NCF2: variants seen among roughly 807,000 people sequenced by gnomAD.
NCF2 encodes neutrophil cytosolic factor 2, also known as neutrophil cytosol factor 2.
In NCF2, 45 loss-of-function variants were observed where a neutral mutation model predicts 70.9. The ratio of observed to expected loss-of-function variants is 0.63; its 90% CI spans 0.50 to 0.81. NCF2 has a LOEUF of 0.81. Among genes scored for constraint, NCF2 ranks in the 40% least tolerant of loss-of-function variants. The pLI, the probability that NCF2 is intolerant of heterozygous loss-of-function variation, is 0.00. For missense variants in NCF2, 522 were observed against 631.6 expected (o/e 0.83, Z 1.86); for synonymous variants, 203 against 233.6 (o/e 0.87, Z 1.19).
At chr1:183,565,130 T>C (rs1307106736) in intron 10 of NCF2, among the ~76,000 whole-genome samples, 1 of 152,178 alleles carries the variant, frequency 6.6e-6, no homozygotes, top group East Asian at 1.9e-4. Context: ...CAATCATTGA[T>C]CTAGAATCTG....
At chr1:183,598,372 T>G in the NCF2 span, 1 of 152,140 alleles carries the variant, frequency 6.6e-6, no homozygotes, top group Non-Finnish European at 1.5e-5. Context: ...CAGGAGATTC[T>G]CAGAAACAAA....
intron 6 of NCF2, 184 bp from the exon 7 acceptor site, chr1:183,569,369 A>G: frequency 6.1e-6 from 4 of 657,200 alleles, no homozygotes; most frequent in Non-Finnish European, 1.1e-5. Context: ...ACTGGGAAAT[A>G]ACACCTCCCA....
chr1:183,597,793 A>T, the NCF2 span: 1 of 152,252 alleles, frequency 6.6e-6, no homozygotes, highest in Non-Finnish European at 1.5e-5. Context: ...GTGTCTGGAC[A>T]TACAATAACT....
intron 4 of NCF2, 43 bp from the exon 5 acceptor site, chr1:183,573,335 G>GGTC: frequency 3.2e-6 from 5 of 1,559,616 alleles, no homozygotes; most frequent in Non-Finnish European, 4.4e-6. Flanking sequence ...TGAAAATGGG[G>GGTC]GTGACGATGC....
At chr1:183,599,468 T>C in the NCF2 span, among the ~76,000 whole-genome samples, 1 of 142,600 alleles carries the variant, frequency 7.0e-6, no homozygotes, top group African/African-American at 2.7e-5. Context: ...CTTTCTTTCT[T>C]TCTTTCTTTC....
intron 10 of NCF2, among the ~76,000 whole-genome samples, chr1:183,564,269 AC>A (rs1380015192): frequency 6.6e-6 from 1 of 152,002 alleles, no homozygotes; most frequent in Non-Finnish European, 1.5e-5. Flanking sequence ...ATAGGTAATT[AC>A]CAAAGGACCA....
At position 183,573,612 on chromosome 1, in the gene NCF2, G is replaced by T. The variant is rs3818364; in HGVS notation, c.502-320C>A. Among the ~76,000 whole-genome samples the T allele has an allele frequency of 0.46, 69,193 of 151,938 alleles. 16,146 individuals carry two copies. The highest frequency in any genetic ancestry group is 0.62 in the East Asian group (3,196 of 5,156). On this transcript the variant is annotated intron_variant, in intron 4 of 14. Coordinates refer to ENST00000367535, the MANE Select transcript of NCF2 (RefSeq NM_000433.4). ...GTGTAGAGGGCACCACCACGACAAGGCTGGCCCGGGATCAAGCAAGGCTCA... is the reference window on the plus strand; with the variant it reads ...GTGTAGAGGGCACCACCACGACAAGTCTGGCCCGGGATCAAGCAAGGCTCA...
At chr1:183,586,060 C>T (rs548372314) in intron 2 of NCF2, among the ~76,000 whole-genome samples, 2 of 152,120 alleles carry the variant, frequency 1.3e-5, no homozygotes, top group African/African-American at 4.8e-5. Context: ...TCTGGCTGGG[C>T]GTGGTGGCAC....
rs529805060 is a variant in NCF2 at position 183,565,114 on chromosome 1, G to A, written c.1000+590C>T. Among the ~76,000 whole-genome samples, 8 of 152,292 alleles carry A rather than the reference G, an allele frequency of 5.3e-5. No individual in the cohort carries two copies. The South Asian group carries it at 1.0e-3, about 20-fold the overall frequency. On this transcript the variant is annotated intron_variant, in intron 10 of 14. Coordinates refer to ENST00000367535, the MANE Select transcript of NCF2 (RefSeq NM_000433.4). ...CCGAGTGATTCTGATGATCAGGCGC[G>A]TGTGGCAATCATTGATCTAGAATCT...
chr1:183,581,015 G>T (rs955415878), intron 2 of NCF2, among the ~76,000 whole-genome samples: 43 of 151,206 alleles, frequency 2.8e-4, no homozygotes, highest in African/African-American at 9.5e-4. Context: ...TTTGGGCCTG[G>T]TAGGAGAGAG....
intron 1 of NCF2, among the ~76,000 whole-genome samples, 200 bp downstream of exon 1, chr1:183,589,956 G>C (rs1323009988): frequency 6.6e-6 from 1 of 152,132 alleles, no homozygotes; most frequent in East Asian, 1.9e-4. Flanking sequence ...CCCCTCACCT[G>C]CTCTCCACCT....
intron 13 of NCF2, 46 bp downstream of exon 13, chr1:183,563,149 G>A: frequency 6.5e-7 from 1 of 1,539,814 alleles, no homozygotes; most frequent in Non-Finnish European, 9.0e-7. Flanking sequence ...TGTTGAGGAA[G>A]TGGCTCAGTG....
chr1:183,595,510 C>G (rs4652814), upstream of NCF2, among the ~76,000 whole-genome samples: 1,460 of 152,294 alleles, frequency 9.6e-3, 15 homozygotes, highest in Non-Finnish European at 0.012. Context: ...TAGTTGGGCC[C>G]TGTGCTCAGG....
chr1:183,559,328 C>G (rs1044346623), intron 14 of NCF2, among the ~76,000 whole-genome samples: 1 of 152,210 alleles, frequency 6.6e-6, no homozygotes, highest in African/African-American at 2.4e-5. Context: ...AATTTTTAGT[C>G]TGTTCATTAC....
upstream of NCF2, among the ~76,000 whole-genome samples, chr1:183,591,811 A>T (rs1380322280): frequency 2.0e-5 from 3 of 152,150 alleles, no homozygotes; most frequent in Non-Finnish European, 1.5e-5. Context: ...ATGAACATTC[A>T]TGAAGTTCAG....
upstream of NCF2, among the ~76,000 whole-genome samples, chr1:183,592,805 C>G (rs1483571128): frequency 1.3e-5 from 2 of 152,170 alleles, no homozygotes; most frequent in Non-Finnish European, 2.9e-5. Context: ...CAAGACTTTT[C>G]TAGCCTTATC....
chr1:183,584,055 A>G (rs1673230407), intron 2 of NCF2, among the ~76,000 whole-genome samples: 1 of 152,122 alleles, frequency 6.6e-6, no homozygotes, highest in Admixed American at 6.6e-5. Flanking sequence ...TTAAGAGGTC[A>G]ACCTGATGAG....
chr1:183,586,897 C>A lies in NCF2; in HGVS notation c.255G>T (p.Glu85Asp), dbSNP rs1457361434. The A allele has an allele frequency of 9.9e-6, 16 of 1,613,656 alleles. No homozygotes were observed. Among genetic ancestry groups the A allele is most frequent in the African/African-American group, 1.3e-5 (1 of 74,924 alleles). ...FQRGMLYYQTEKYDLAIKDLK... is the reference protein window; with the variant it reads ...FQRGMLYYQTDKYDLAIKDLK... ...TGGTGCAACATTGAACCACTTACTT[C>A]TCTGTCTGGTAGTAGAGCATCCCTC... Residue 85 changes from glutamate (E) to aspartate (D), a missense_variant and splice_region_variant, in exon 2 of 15, where the codon GAG becomes GAT. Physicochemically the swap from Glu to Asp is conservative, Grantham distance 45. Coordinates refer to ENST00000367535, the MANE Select transcript of NCF2 (RefSeq NM_000433.4).
chr1:183,600,869 A>C, the NCF2 span, among the ~76,000 whole-genome samples: 2 of 152,174 alleles, frequency 1.3e-5, no homozygotes, highest in African/African-American at 4.8e-5. Context: ...TTGACAGCAC[A>C]CACCAGGGCC....
Sources: allele counts gnomAD v4.1 joint callset (sites outside exome capture counted in the v4.1 genomes callset), GRCh38; gene constraint gnomAD v4.1.1; transcripts MANE v1.5; gene names NCBI Gene and HGNC (gene_info 2026-07-23, HGNC 2026-07-21).